Variants in CAP2 observed in about 807,000 individuals in gnomAD.
CAP2 encodes the protein cyclase associated actin cytoskeleton regulatory protein 2.
In CAP2, 24 loss-of-function variants were observed where a neutral mutation model predicts 57.7. The ratio of observed to expected loss-of-function variants is 0.42; its 90% CI spans 0.30 to 0.58. The LOEUF (loss-of-function observed/expected upper bound fraction) is 0.58. CAP2 is among the 20% of genes least tolerant of loss of function. The probability of loss-of-function intolerance (pLI) is 0.22; values close to 1 mark genes in which losing one functional copy is unlikely to be tolerated. For missense variants in CAP2, 501 were observed against 590.3 expected, an observed-to-expected ratio of 0.85 and a Z score of 1.57; for synonymous variants, 194 against 207.2, an observed-to-expected ratio of 0.94 and a Z score of 0.55.
At chr6:17,394,323 C>T (rs191320062) in intron 1 of CAP2, among the ~76,000 whole-genome samples, 1 of 151,452 alleles carries the variant, frequency 6.6e-6, no homozygotes. Flanking sequence ...GGGAACGGCT[C>T]GGAAAAACGG....
At chr6:17,406,027 G>T (rs1338601271) in intron 1 of CAP2, among the ~76,000 whole-genome samples, 2 of 151,718 alleles carry the variant, frequency 1.3e-5, no homozygotes, top group African/African-American at 4.8e-5. Context: ...AGGTGTGAGC[G>T]ACCGCGCCCA....
In CAP2 at chr6:17,546,391, G is replaced by A. The variant is rs183166708; in HGVS notation, c.1209+3248G>A. Among the ~76,000 whole-genome samples the A allele has an allele frequency of 2.9e-3, 446 of 152,200 alleles. 1 individual carries two copies. The highest frequency in any genetic ancestry group is 4.2e-3 in the Non-Finnish European group (288 of 67,998). ...CCTTTGCCCACTTTTTGATGGGGTT[G>A]TTTGTTTTTTTCTTGTAAATTTGTT... On this transcript the variant is annotated intron_variant, in intron 11 of 12. Coordinates refer to ENST00000229922, the MANE Select transcript of CAP2 (RefSeq NM_006366.3).
chr6:17,440,403 G>A (rs574599953), intron 3 of CAP2, among the ~76,000 whole-genome samples: 50 of 151,486 alleles, frequency 3.3e-4, no homozygotes, highest in Non-Finnish European at 5.6e-4. Context: ...GTTTATTGGA[G>A]CTTTTCAGTT....
At chr6:17,553,779 C>T (rs1198911006) in intron 12 of CAP2, among the ~76,000 whole-genome samples, 4 of 152,088 alleles carry the variant, frequency 2.6e-5, no homozygotes, top group African/African-American at 7.2e-5. Flanking sequence ...GGAGATGATT[C>T]GTCCTGAAAG....
chr6:17,401,498 C>T (rs182985019), intron 1 of CAP2, among the ~76,000 whole-genome samples: 43 of 152,236 alleles, frequency 2.8e-4, no homozygotes, highest in African/African-American at 9.9e-4. Context: ...ATCTTTCCAT[C>T]GAATGTATAC....
chr6:17,415,314 G>T lies in CAP2; in HGVS notation c.-1-6241G>T, dbSNP rs111793985. Among the ~76,000 whole-genome samples, 51 of 152,310 alleles carry T rather than the reference G, an allele frequency of 3.3e-4. 2 individuals carry two copies. Among genetic ancestry groups the T allele is most frequent in the African/African-American group, 1.2e-3 (48 of 41,568 alleles). On this transcript the variant is annotated intron_variant, in intron 1 of 12. Coordinates refer to ENST00000229922, the MANE Select transcript of CAP2 (RefSeq NM_006366.3). ...TGTGAGGAATTTACAAAACCCTTTA[G>T]ACAATGTGGAGTTTTAACACAATTT...
intron 7 of CAP2, among the ~76,000 whole-genome samples, chr6:17,517,764 G>A (rs1762303093): frequency 6.6e-6 from 1 of 152,214 alleles, no homozygotes; most frequent in African/African-American, 2.4e-5. Flanking sequence ...AGCCAGGCAT[G>A]GTGGCGGGCA....
intron 4 of CAP2, among the ~76,000 whole-genome samples, chr6:17,471,497 A>G (rs1761017711): frequency 6.6e-6 from 1 of 152,192 alleles, no homozygotes; most frequent in Non-Finnish European, 1.5e-5. Context: ...TATCGGTTTC[A>G]TTGATCTTGG....
chr6:17,424,324 C>T (rs1393030449), intron 2 of CAP2, among the ~76,000 whole-genome samples: 1 of 152,098 alleles, frequency 6.6e-6, no homozygotes, highest in Non-Finnish European at 1.5e-5. Context: ...GGCGTGAACC[C>T]GGGAGGCGGA....
chr6:17,557,586 T>C lies in CAP2; in HGVS notation c.*1144T>C, dbSNP rs1341821140. 4 of 152,196 alleles carry C rather than the reference T, an allele frequency of 2.6e-5. No individual in the cohort carries two copies. The highest frequency in any genetic ancestry group is 5.9e-5 in the Non-Finnish European group (4 of 68,032). The allele number at this position is 152,196 out of a possible 1,614,324, so 9.4% of individuals were successfully genotyped here. A position where few individuals can be genotyped will look rare whatever the true frequency, so the allele number is the denominator to read the frequency against. On this transcript the variant is annotated 3_prime_UTR_variant, in exon 13 of 13. Transcript: ENST00000229922. ...CCAGTACAAGCATATATATTGTGCC[T>C]CTTACAGCCTTTGGAATACATTGTT...
At chr6:17,442,180 C>T (rs1760103763) in intron 3 of CAP2, among the ~76,000 whole-genome samples, 1 of 152,154 alleles carries the variant, frequency 6.6e-6, no homozygotes, top group Admixed American at 6.5e-5. Flanking sequence ...GAAAGAGATT[C>T]CTCTACTCCT....
intron 4 of CAP2, among the ~76,000 whole-genome samples, chr6:17,474,186 T>TTTTTTTG (rs1761091290): frequency 4.2e-5 from 1 of 23,564 alleles, no homozygotes; most frequent in African/African-American, 2.5e-4. Flanking sequence ...AAAAACAGTC[T>TTTTTTTG]TTTTTTTTTT....
At chr6:17,404,538 G>A (rs71556107) in intron 1 of CAP2, among the ~76,000 whole-genome samples, 477 of 151,870 alleles carry the variant, frequency 3.1e-3, no homozygotes, top group Non-Finnish European at 4.2e-3. Flanking sequence ...CCAGGAGGCC[G>A]AGCTTGCAGT....
At chr6:17,518,487 A>G (rs1762320042) in intron 7 of CAP2, among the ~76,000 whole-genome samples, 1 of 152,212 alleles carries the variant, frequency 6.6e-6, no homozygotes, top group African/African-American at 2.4e-5. Context: ...GGAGGAAAAA[A>G]TAAAGCAAGA....
At chr6:17,454,801 T>A (rs899432164) in intron 3 of CAP2, among the ~76,000 whole-genome samples, 4 of 152,234 alleles carry the variant, frequency 2.6e-5, no homozygotes, top group Admixed American at 1.3e-4. Flanking sequence ...TTCCGTTTTC[T>A]ATGCTTCAAG....
At chr6:17,422,105 C>G (rs1196946199) in intron 2 of CAP2, among the ~76,000 whole-genome samples, 1 of 152,142 alleles carries the variant, frequency 6.6e-6, no homozygotes, top group Non-Finnish European at 1.5e-5. Flanking sequence ...TACTGCTGTC[C>G]CGCACTCAAT....
intron 1 of CAP2, among the ~76,000 whole-genome samples, chr6:17,395,010 C>T (rs1056432643): frequency 5.9e-5 from 9 of 151,988 alleles, no homozygotes; most frequent in African/African-American, 2.2e-4. Flanking sequence ...CCATGAATCC[C>T]GAAATTTAAA....
intron 3 of CAP2, among the ~76,000 whole-genome samples, chr6:17,435,656 A>G (rs1045698736): frequency 7.8e-6 from 1 of 127,508 alleles, no homozygotes; most frequent in East Asian, 2.3e-4. Context: ...CAATGTGCAC[A>G]TGTACCCTAA....
At chr6:17,443,594 CGT>C (rs1760155867) in intron 3 of CAP2, among the ~76,000 whole-genome samples, 1 of 151,466 alleles carries the variant, frequency 6.6e-6, no homozygotes, top group Admixed American at 6.6e-5. Context: ...CACACACACA[CGT>C]GCGCACGTGC....
Sources: gnomAD v4.1 joint callset for allele counts (sites outside exome capture counted in the v4.1 genomes callset) on GRCh38, gnomAD v4.1.1 for gene constraint, MANE v1.5 for transcripts, NCBI Gene and HGNC (gene_info 2026-07-23, HGNC 2026-07-21) for gene names.